The following PEX3 variants were observed in gnomAD, a reference collection of about 807,000 sequenced individuals.
PEX3 encodes the protein peroxisomal biogenesis factor 3.
In PEX3, 30 loss-of-function variants were observed where a neutral mutation model predicts 55.8. The observed-to-expected ratio is 0.54, with a 90% CI of 0.40 to 0.73. The LOEUF (loss-of-function observed/expected upper bound fraction) is 0.73, where lower values mean the gene tolerates loss of function less well. Among genes scored for constraint, PEX3 ranks in the 30% least tolerant of loss-of-function variants. The pLI is 0.00. For synonymous variants in PEX3, 135 were observed against 148.4 expected, an observed-to-expected ratio of 0.91 and a Z score of 0.66; for missense variants, 351 against 432.8, an observed-to-expected ratio of 0.81 and a Z score of 1.68.
At chr6:143,472,448 G>A (rs2128746844) in intron 8 of PEX3, 120 bp downstream of exon 8, 1 of 720,960 alleles carries the variant, frequency 1.4e-6, no homozygotes, top group Non-Finnish European at 2.4e-6. Context: ...ATATATTTCA[G>A]TAATTGAAGT....
intron 9 of PEX3, among the ~76,000 whole-genome samples, chr6:143,477,220 G>C (rs1296250051): frequency 6.6e-6 from 1 of 152,132 alleles, no homozygotes; most frequent in African/African-American, 2.4e-5. Context: ...GAGAGATTCT[G>C]AGAAATAGAC....
At position 143,485,021 on chromosome 6, in the gene PEX3, T is replaced by G; in HGVS notation, c.942-131T>G. 1.5e-6 allele frequency: 1 copy of G among 687,148 alleles called. No individual in the cohort carries two copies. Among genetic ancestry groups the G allele is most frequent in the Non-Finnish European group, 2.6e-6 (1 of 382,650 alleles). 42.6% of individuals were successfully genotyped at this position (687,148 alleles called of 1,614,324 possible). ...TTGTTATTTCTAAGCGATAGAATTG[T>G]GGGGTTTTTTTTCCTTTTTAATAGA... On this transcript the variant is annotated intron_variant, in intron 10 of 11. Transcript: ENST00000367591. The surrounding 1 kb of genome is among the most constrained non-coding windows in gnomAD (Gnocchi z 5.6).
intron 1 of PEX3, among the ~76,000 whole-genome samples, chr6:143,456,425 T>C (rs1175109452): frequency 2.0e-5 from 3 of 152,166 alleles, no homozygotes; most frequent in African/African-American, 7.2e-5. Flanking sequence ...AGTGCTAAAA[T>C]CAAGAAAAAT....
At position 143,472,331 on chromosome 6, in the gene PEX3, G is replaced by T; in HGVS notation, c.747+3G>T. 6.3e-7 allele frequency: 1 copy of T among 1,596,874 alleles called. No individual in the cohort carries two copies. Among genetic ancestry groups the T allele is most frequent in the Non-Finnish European group, 8.6e-7 (1 of 1,165,564 alleles). The stretch of plus-strand genomic sequence containing the variant: ...AAGAAACTCCATTAGCAGTGCAGGT[G>T]CTTAATTCATAACCATTTAACCAAA... On this transcript the variant is annotated splice_donor_region_variant and intron_variant, in intron 8 of 11. Transcript: ENST00000367591.
At chr6:143,455,179 T>TTCTTTTCTTG (rs1263283621) in intron 1 of PEX3, among the ~76,000 whole-genome samples, 16 of 57,770 alleles carry the variant, frequency 2.8e-4, no homozygotes, top group African/African-American at 8.3e-4. Context: ...GTATTTTCTT[T>TTCTTTTCTTG]TCTTTTCTTT....
At chr6:143,461,633 A>G (rs542422389) in intron 2 of PEX3, among the ~76,000 whole-genome samples, 11 of 152,164 alleles carry the variant, frequency 7.2e-5, no homozygotes, top group African/African-American at 2.6e-4. Flanking sequence ...TTCTTACCCA[A>G]GAAGTTTTCC....
chr6:143,452,573 A>T, intron 1 of PEX3, among the ~76,000 whole-genome samples: 1 of 152,326 alleles, frequency 6.6e-6, no homozygotes, highest in East Asian at 1.9e-4. Flanking sequence ...TAAACTTATA[A>T]TTTTTTTAAA....
At position 143,471,961 on chromosome 6, in the gene PEX3, C is replaced by T. The variant is rs1185450750; in HGVS notation, c.579-199C>T. On this transcript the variant is annotated intron_variant, in intron 7 of 11. Coordinates refer to ENST00000367591, the MANE Select transcript of PEX3 (RefSeq NM_003630.3). The surrounding 1 kb of genome is among the most constrained non-coding windows in gnomAD (Gnocchi z 5.4). ...TACAGTAGGAATTCTCTTATGGAAT[C>T]CAGAGAAATACTTTTCTTGGCTCTG... 6.6e-6 allele frequency among the ~76,000 whole-genome samples: 1 copy of T among 152,090 alleles called. No homozygotes were observed. Among genetic ancestry groups the T allele is most frequent in the Non-Finnish European group, 1.5e-5 (1 of 68,002 alleles).
At position 143,463,956 on chromosome 6, in the gene PEX3, G is replaced by A. The variant is rs546968222; in HGVS notation, c.287+959G>A. ...AGAGAATACTTCCCAAAATAACAGT[G>A]GATTTGTGTACTTGAGATTTCTTTT... On this transcript the variant is annotated intron_variant, in intron 3 of 11. Transcript: ENST00000367591. The surrounding 1 kb of genome is among the most constrained non-coding windows in gnomAD (Gnocchi z 5.7). Among the ~76,000 whole-genome samples the A allele has an allele frequency of 1.3e-5, 2 of 152,160 alleles. No individual in the cohort carries two copies. The highest frequency in any genetic ancestry group is 3.9e-4 in the East Asian group (2 of 5,188).
intron 4 of PEX3, 112 bp downstream of exon 4, chr6:143,468,277 T>C: frequency 1.4e-6 from 1 of 726,072 alleles, no homozygotes; most frequent in African/African-American, 1.8e-5. Context: ...TTGTTGTTAG[T>C]ATTAAATAAT....
chr6:143,451,142 G>T lies in PEX3; in HGVS notation c.73+27G>T, dbSNP rs756619702. On this transcript the variant is annotated intron_variant, in intron 1 of 11. Transcript: ENST00000367591. The surrounding 1 kb of genome is among the most constrained non-coding windows in gnomAD (Gnocchi z 4.1). ...TGGGTGACAACGTGCTTGAAAGGGG[G>T]CATTGGGAGAAGGGGGTGGGAGAGG... The T allele has an allele frequency of 6.6e-7, 1 of 1,518,370 alleles. No individual in the cohort carries two copies. The highest frequency in any genetic ancestry group is 1.1e-5 in the South Asian group (1 of 89,278). 94.1% of individuals were successfully genotyped at this position (1,518,370 alleles called of 1,614,324 possible).
chr6:143,456,813 T>C (rs1338950519), intron 1 of PEX3, among the ~76,000 whole-genome samples: 2 of 152,240 alleles, frequency 1.3e-5, no homozygotes. Flanking sequence ...TTTTTTAGTT[T>C]AGTTAGAATA....
rs143016184 is a variant in PEX3, at chr6:143,456,547, G to C, written c.74-2538G>C. Among the ~76,000 whole-genome samples the C allele has an allele frequency of 5.0e-4, 76 of 152,286 alleles. 1 individual carries two copies. Among genetic ancestry groups the C allele is most frequent in the Middle Eastern group, 3.4e-3 (1 of 292 alleles). ...AATTTAGAAGTCTAAGATCAGGATT[G>C]GTTCCTTCTGCAGAGTGTAAGGGAA... is the stretch of plus-strand genomic sequence containing the variant. On this transcript the variant is annotated intron_variant, in intron 1 of 11. Coordinates refer to ENST00000367591, the MANE Select transcript of PEX3 (RefSeq NM_003630.3).
Position 143,471,257 on chromosome 6 carries a change from G to T in PEX3, c.457-126G>T. The T allele has an allele frequency of 2.9e-6, 3 of 1,025,384 alleles. No homozygotes were observed. Among genetic ancestry groups the T allele is most frequent in the South Asian group, 1.4e-5 (1 of 69,940 alleles). The allele number at this position is 1,025,384 out of a possible 1,614,324, so 63.5% of individuals were successfully genotyped here. A position where few individuals can be genotyped will look rare whatever the true frequency, so the allele number is the denominator to read the frequency against. On this transcript the variant is annotated intron_variant, in intron 5 of 11. Transcript: ENST00000367591. The surrounding 1 kb of genome is among the most constrained non-coding windows in gnomAD (Gnocchi z 5.4). ...ATGTTGAAACTAGAATTTTTGGTGT[G>T]TTAAAAATTACTATTTTTCCCGTCA...
At chr6:143,477,699 T>C (rs890063283) in intron 9 of PEX3, among the ~76,000 whole-genome samples, 3 of 152,148 alleles carry the variant, frequency 2.0e-5, no homozygotes, top group Non-Finnish European at 4.4e-5. Context: ...ACTAACATTT[T>C]TGAGTGCTTA....
chr6:143,488,591 T>TA lies in PEX3; in HGVS notation c.1039-551dup. 6.6e-6 allele frequency among the ~76,000 whole-genome samples: 1 copy of TA among 152,220 alleles called. No homozygotes were observed. Among genetic ancestry groups the TA allele is most frequent in the Non-Finnish European group, 1.5e-5 (1 of 67,962 alleles). On this transcript the variant is annotated intron_variant, in intron 11 of 11. Transcript: ENST00000367591. This position sits in a 1 kb window ranked among gnomAD's most constrained non-coding sequence, Gnocchi z 4.9. ...TGCCTACATTCATAATTGAAAGAGA[T>TA]ACCAGATTTTGGTTAGAAGTTAAAG...
intron 10 of PEX3, among the ~76,000 whole-genome samples, chr6:143,480,871 G>A (rs1179079563): frequency 6.6e-6 from 1 of 151,968 alleles, no homozygotes; most frequent in Non-Finnish European, 1.5e-5. Flanking sequence ...AAATTAGCTG[G>A]GCATGCGGCA....
At chr6:143,480,459 T>C (rs1398578426) in intron 10 of PEX3, among the ~76,000 whole-genome samples, 1 of 152,172 alleles carries the variant, frequency 6.6e-6, no homozygotes, top group Non-Finnish European at 1.5e-5. Context: ...ATCTGTACTT[T>C]CATGTACAAC....
rs1237696958 is a variant in PEX3 at position 143,486,663 on chromosome 6, A to G, written c.1038+1415A>G. The stretch of plus-strand genomic sequence containing the variant: ...TTAATAAATTGTCATATGCTTTACT[A>G]TTTCCACTTATCTTTTTATAAAGCC... On this transcript the variant is annotated intron_variant, in intron 11 of 11. Coordinates refer to ENST00000367591, the MANE Select transcript of PEX3 (RefSeq NM_003630.3). The surrounding 1 kb of genome is among the most constrained non-coding windows in gnomAD (Gnocchi z 5.0). 2.0e-5 allele frequency among the ~76,000 whole-genome samples: 3 copies of G among 151,992 alleles called. No homozygotes were observed. Among genetic ancestry groups the G allele is most frequent in the Admixed American group, 1.3e-4 (2 of 15,248 alleles).
Sources: gnomAD v4.1 joint callset for allele counts (sites outside exome capture counted in the v4.1 genomes callset) on GRCh38, gnomAD v4.1.1 for gene constraint, Gnocchi (gnomAD v3.1) non-coding constraint, MANE v1.5 for transcripts, NCBI Gene and HGNC (gene_info 2026-07-23, HGNC 2026-07-21) for gene names.